Variants in FLNB observed in about 807,000 individuals in gnomAD.
FLNB encodes filamin-B.
Under a neutral mutation model 250.6 loss-of-function variants are expected in FLNB, and 111 were observed. The ratio of observed to expected loss-of-function variants is 0.44; its 90% CI spans 0.38 to 0.52. The LOEUF is 0.52. FLNB is among the 20% of genes least tolerant of loss of function. FLNB has a pLI of 0.00. For synonymous variants in FLNB, 1,302 were observed against 1,372.1 expected, an observed-to-expected ratio of 0.95 and a Z score of 1.13; for missense variants, 2,869 against 3,447.8, an observed-to-expected ratio of 0.83 and a Z score of 4.20.
intron 1 of FLNB, among the ~76,000 whole-genome samples, chr3:58,033,142 T>A (rs188478366): frequency 6.6e-6 from 1 of 152,078 alleles, no homozygotes; most frequent in Non-Finnish European, 1.5e-5. Context: ...GAAGAACACA[T>A]TTTGATTAGC....
At chr3:58,107,682 G>C (rs2097261865) in intron 12 of FLNB, among the ~76,000 whole-genome samples, 1 of 152,136 alleles carries the variant, frequency 6.6e-6, no homozygotes, top group African/African-American at 2.4e-5. Context: ...TTCCAAGAGT[G>C]TCCTCTCAAA....
intron 2 of FLNB, chr3:58,078,236 A>G (rs975504491): frequency 8.1e-5 from 109 of 1,349,240 alleles, no homozygotes; most frequent in Non-Finnish European, 9.3e-5. Context: ...CCTCTTTCCA[A>G]TTTAAACCTG....
At chr3:58,038,590 A>G (rs908605219) in intron 1 of FLNB, among the ~76,000 whole-genome samples, 2 of 151,322 alleles carry the variant, frequency 1.3e-5, no homozygotes, top group African/African-American at 4.9e-5. Flanking sequence ...ATGCCCAGTT[A>G]ATTAATTTTT....
chr3:58,117,156 A>G (rs2097279618), intron 18 of FLNB, among the ~76,000 whole-genome samples: 1 of 152,196 alleles, frequency 6.6e-6, no homozygotes, highest in Non-Finnish European at 1.5e-5. Context: ...TGCACTGGCC[A>G]TCACTACCCA....
At chr3:58,159,960 CTGCAGTGAGCTATGA>C (rs776971335) in intron 42 of FLNB, among the ~76,000 whole-genome samples, 7 of 152,064 alleles carry the variant, frequency 4.6e-5, no homozygotes, top group African/African-American at 7.2e-5. Context: ...GAGGTCAAGG[CTGCAGTGAGCTATGA>C]TGCAGTGAGC....
At chr3:58,033,947 A>G (rs924979414) in intron 1 of FLNB, among the ~76,000 whole-genome samples, 9 of 151,290 alleles carry the variant, frequency 5.9e-5, no homozygotes, top group Non-Finnish European at 1.3e-4. Context: ...TGCAACCTCC[A>G]CCTCCCGGGT....
chr3:58,121,897 C>T (rs954350586), intron 20 of FLNB, among the ~76,000 whole-genome samples: 6 of 152,180 alleles, frequency 3.9e-5, no homozygotes, highest in African/African-American at 9.7e-5. Flanking sequence ...TGGCCAGGCG[C>T]GGTGGCTCAT....
Position 58,164,638 on chromosome 3 carries a change from AG to A in FLNB, c.7198+1309del, listed in dbSNP as rs1174646081. On this transcript the variant is annotated intron_variant, in intron 43 of 45. Coordinates refer to ENST00000295956, the MANE Select transcript of FLNB (RefSeq NM_001457.4). The surrounding 1 kb of genome is among the most constrained non-coding windows in gnomAD (Gnocchi z 4.0). ...GGCTGCCCGGGACTCTGGCCAAAGC[AG>A]TGGCCTCAGCAAAGCCACCCACAGG... 1 of 152,274 alleles carries A rather than the reference AG, an allele frequency of 6.6e-6. No homozygotes were observed. Among genetic ancestry groups the A allele is most frequent in the Non-Finnish European group, 1.5e-5 (1 of 68,104 alleles). 9.4% of individuals were successfully genotyped at this position (152,274 alleles called of 1,614,324 possible).
chr3:58,161,433 G>T (rs189808177), intron 42 of FLNB, among the ~76,000 whole-genome samples: 7 of 152,222 alleles, frequency 4.6e-5, no homozygotes, highest in South Asian at 4.1e-4. Flanking sequence ...GTGAGGTTTG[G>T]TGGCCTCAGC....
intron 1 of FLNB, among the ~76,000 whole-genome samples, chr3:58,053,365 A>G (rs943251579): frequency 4.6e-5 from 7 of 152,240 alleles, no homozygotes; most frequent in Admixed American, 1.3e-4. Flanking sequence ...TGTGGTATAC[A>G]TCATTGATTA....
intron 32 of FLNB, among the ~76,000 whole-genome samples, chr3:58,145,490 G>A (rs889739850): frequency 2.0e-5 from 3 of 152,182 alleles, no homozygotes; most frequent in East Asian, 1.9e-4. Context: ...GCTAGGAGTC[G>A]GGGTGGGCAG....
chr3:58,133,422 C>T (rs1009812713), intron 26 of FLNB, among the ~76,000 whole-genome samples: 4 of 141,944 alleles, frequency 2.8e-5, no homozygotes, highest in Admixed American at 1.4e-4. Flanking sequence ...CATAGACCCT[C>T]CCCTGACATC....
At position 58,109,571 on chromosome 3, in the gene FLNB, T is replaced by C; in HGVS notation, c.2200-5T>C. 1.2e-6 allele frequency: 2 copies of C among 1,614,228 alleles called. No individual in the cohort carries two copies. The highest frequency in any genetic ancestry group is 1.1e-5 in the South Asian group (1 of 91,082). ...ACTTGATGACCTTCTCCATGTCTTCTCTAGGTCAACATCGGGCAAGGTAGC... is the reference window on the plus strand; with the variant it reads ...ACTTGATGACCTTCTCCATGTCTTCCCTAGGTCAACATCGGGCAAGGTAGC... On this transcript the variant is annotated splice_region_variant and splice_polypyrimidine_tract_variant and intron_variant, in intron 14 of 45. Coordinates refer to ENST00000295956, the MANE Select transcript of FLNB (RefSeq NM_001457.4).
intron 11 of FLNB, among the ~76,000 whole-genome samples, chr3:58,105,928 C>T (rs182125745): frequency 1.1e-3 from 166 of 152,234 alleles, no homozygotes; most frequent in East Asian, 1.7e-3. Flanking sequence ...TGATATGAAT[C>T]GTCTTGTATA....
At chr3:58,157,535 A>G (rs1174280232) in intron 41 of FLNB, among the ~76,000 whole-genome samples, 2 of 152,212 alleles carry the variant, frequency 1.3e-5, no homozygotes, top group South Asian at 2.1e-4. Context: ...TCCGGAGAAT[A>G]CCAAGGGTAC....
At chr3:58,012,188 TGG>T (rs1225981487) in intron 1 of FLNB, among the ~76,000 whole-genome samples, 1 of 125,500 alleles carries the variant, frequency 8.0e-6, no homozygotes, top group East Asian at 2.3e-4. Context: ...CACTCCAGCC[TGG>T]GAGAGCGAGA....
In FLNB at chr3:58,123,703, T is replaced by TAAAAAA. The variant is rs56147140; in HGVS notation, c.3724+31_3724+36dup. On this transcript the variant is annotated intron_variant, in intron 21 of 45. Transcript: ENST00000295956. ...ATAGAAGGGAAAGGTGGGTTTCATT[T>TAAAAAA]AAAAAAAAAAAAAAAAAAAAAAAGA... 1.4e-5 allele frequency: 16 copies of TAAAAAA among 1,117,352 alleles called. No individual in the cohort carries two copies. Among genetic ancestry groups the TAAAAAA allele is most frequent in the Admixed American group, 5.4e-5 (2 of 36,712 alleles). 69.2% of individuals were successfully genotyped at this position (1,117,352 alleles called of 1,614,324 possible).
At position 58,112,324 on chromosome 3, in the gene FLNB, G is replaced by A. The variant is rs915723265; in HGVS notation, c.2745+6G>A. The A allele has an allele frequency of 9.3e-6, 15 of 1,612,796 alleles. No homozygotes were observed. The highest frequency in any genetic ancestry group is 2.2e-5 in the South Asian group (2 of 91,030). On this transcript the variant is annotated splice_donor_region_variant and intron_variant, in intron 18 of 45. Transcript: ENST00000295956. ...AATATACACCCACCCAACAGGTAGG[G>A]TCCTTCTCCCCTCTGCTCCCCTGGC...
At chr3:58,098,441 A>T (rs986673527) in intron 7 of FLNB, among the ~76,000 whole-genome samples, 2 of 152,146 alleles carry the variant, frequency 1.3e-5, no homozygotes, top group Non-Finnish European at 2.9e-5. Context: ...AGCGATTCTC[A>T]TACATCAGCC....
Sources: allele counts gnomAD v4.1 joint callset (sites outside exome capture counted in the v4.1 genomes callset), GRCh38; gene constraint gnomAD v4.1.1; non-coding constraint Gnocchi (gnomAD v3.1); transcripts MANE v1.5; gene names NCBI Gene and HGNC (gene_info 2026-07-23, HGNC 2026-07-21).